The following DLG2 variants were observed in gnomAD, a reference collection of about 807,000 sequenced individuals.
DLG2 encodes discs large MAGUK scaffold protein 2, also known as disks large homolog 2.
Under a neutral mutation model 132.5 loss-of-function variants are expected in DLG2, and 45 were observed. The observed-to-expected ratio is 0.34, with a 90% CI of 0.27 to 0.44. The LOEUF (loss-of-function observed/expected upper bound fraction) is 0.44. Among genes scored for constraint, DLG2 ranks in the 20% least tolerant of loss-of-function variants. The pLI is 1.00. For synonymous variants in DLG2, 424 were observed against 419.6 expected, an observed-to-expected ratio of 1.01 and a Z score of -0.13; for missense variants, 1,045 against 1,196.9, an observed-to-expected ratio of 0.87 and a Z score of 1.87.
At chr11:84,864,832 T>C (rs1188561555) in intron 6 of DLG2, among the ~76,000 whole-genome samples, 1 of 152,004 alleles carries the variant, frequency 6.6e-6, no homozygotes, top group East Asian at 1.9e-4. Context: ...AGCCCATGAA[T>C]AGTGAGAAAA....
chr11:83,540,024 T>G (rs1483577409), intron 20 of DLG2, among the ~76,000 whole-genome samples: 1 of 152,180 alleles, frequency 6.6e-6, no homozygotes, highest in Non-Finnish European at 1.5e-5. Flanking sequence ...TCTTCCCAGA[T>G]AGTCCATGCC....
At chr11:83,517,882 G>T (rs1057168411) in intron 21 of DLG2, among the ~76,000 whole-genome samples, 1 of 152,196 alleles carries the variant, frequency 6.6e-6, no homozygotes, top group Non-Finnish European at 1.5e-5. Flanking sequence ...TCCTCTGGCA[G>T]TGTTGTCTCA....
intron 21 of DLG2, among the ~76,000 whole-genome samples, chr11:83,504,495 C>T (rs188085642): frequency 7.1e-4 from 108 of 152,312 alleles, no homozygotes; most frequent in Non-Finnish European, 1.3e-3. Context: ...CCCCAGCCAA[C>T]ACTGTAACTT....
chr11:85,199,787 G>A (rs189243644), intron 4 of DLG2, among the ~76,000 whole-genome samples: 11 of 152,140 alleles, frequency 7.2e-5, no homozygotes, highest in African/African-American at 2.2e-4. Context: ...CACACAGTGA[G>A]CCACAAATAG....
At chr11:83,912,575 T>C (rs1173777714) in intron 15 of DLG2, among the ~76,000 whole-genome samples, 1 of 152,126 alleles carries the variant, frequency 6.6e-6, no homozygotes, top group Non-Finnish European at 1.5e-5. Context: ...GTTTTAGTTT[T>C]TTAAATGAAG....
chr11:83,695,178 A>G (rs1012971182), intron 18 of DLG2, among the ~76,000 whole-genome samples: 2 of 152,188 alleles, frequency 1.3e-5, no homozygotes, highest in African/African-American at 4.8e-5. Flanking sequence ...GGGTTATGGA[A>G]GCTATATTTA....
intron 6 of DLG2, among the ~76,000 whole-genome samples, chr11:85,042,723 T>C (rs906418720): frequency 6.6e-6 from 1 of 151,934 alleles, no homozygotes; most frequent in Non-Finnish European, 1.5e-5. Flanking sequence ...AAATCTGTCA[T>C]GTATGATATA....
At chr11:84,505,255 A>T (rs1445062598) in intron 7 of DLG2, among the ~76,000 whole-genome samples, 1 of 152,182 alleles carries the variant, frequency 6.6e-6, no homozygotes, top group African/African-American at 2.4e-5. Context: ...AGTGAAATGT[A>T]AATTTTAGCT....
At chr11:83,739,183 G>T (rs1232265729) in intron 18 of DLG2, among the ~76,000 whole-genome samples, 1 of 151,880 alleles carries the variant, frequency 6.6e-6, no homozygotes, top group African/African-American at 2.4e-5. Flanking sequence ...ACCACTGATG[G>T]GTTAAGATAA....
At chr11:85,078,293 A>C (rs1240777089) in intron 6 of DLG2, among the ~76,000 whole-genome samples, 1 of 151,048 alleles carries the variant, frequency 6.6e-6, no homozygotes, top group Non-Finnish European at 1.5e-5. Flanking sequence ...GTAATATATA[A>C]GGTTATTGAG....
At chr11:85,457,220 T>C (rs979623564) in intron 3 of DLG2, among the ~76,000 whole-genome samples, 5 of 151,256 alleles carry the variant, frequency 3.3e-5, no homozygotes, top group African/African-American at 1.2e-4. Context: ...GGGCTTAAAG[T>C]CTCTTTTGTC....
At chr11:84,731,221 G>A (rs944012124) in intron 6 of DLG2, among the ~76,000 whole-genome samples, 24 of 151,978 alleles carry the variant, frequency 1.6e-4, no homozygotes, top group African/African-American at 5.8e-4. Context: ...CTTGGTTGAC[G>A]ACGTTAGCAC....
At chr11:83,662,241 G>A (rs1421684777) in intron 18 of DLG2, among the ~76,000 whole-genome samples, 1 of 152,094 alleles carries the variant, frequency 6.6e-6, no homozygotes, top group Non-Finnish European at 1.5e-5. Flanking sequence ...ACTCAAAGAT[G>A]GCCTGAATTA....
intron 4 of DLG2, among the ~76,000 whole-genome samples, chr11:85,247,803 A>G (rs895287453): frequency 2.0e-5 from 3 of 151,980 alleles, no homozygotes; most frequent in African/African-American, 4.8e-5. Flanking sequence ...CTAGCTCATC[A>G]TTTTCCTAAA....
At chr11:85,593,917 A>G (rs2079547415) in intron 3 of DLG2, among the ~76,000 whole-genome samples, 1 of 152,130 alleles carries the variant, frequency 6.6e-6, no homozygotes, top group South Asian at 2.1e-4. Flanking sequence ...ACTTGTCCAT[A>G]AGGGTATTGA....
chr11:85,305,062 G>A (rs1176517720), intron 3 of DLG2, among the ~76,000 whole-genome samples: 1 of 152,162 alleles, frequency 6.6e-6, no homozygotes, highest in African/African-American at 2.4e-5. Flanking sequence ...GAATGACCAT[G>A]TATTGTGCTA....
At chr11:84,913,352 G>T (rs1161302338) in intron 6 of DLG2, among the ~76,000 whole-genome samples, 1 of 152,084 alleles carries the variant, frequency 6.6e-6, no homozygotes, top group Non-Finnish European at 1.5e-5. Flanking sequence ...TTGAAATTCA[G>T]ACTCACCATA....
At chr11:84,464,505 C>G (rs988051292) in intron 7 of DLG2, among the ~76,000 whole-genome samples, 8 of 151,084 alleles carry the variant, frequency 5.3e-5, no homozygotes, top group Non-Finnish European at 8.9e-5. Context: ...CATTTAAGAC[C>G]TGGCTTAAAT....
chr11:84,848,501 T>G (rs911357233), intron 6 of DLG2, among the ~76,000 whole-genome samples: 1 of 151,544 alleles, frequency 6.6e-6, no homozygotes, highest in East Asian at 1.9e-4. Context: ...CTCAGAAAAA[T>G]AAAAAATAAA....
Sources: gnomAD v4.1 joint callset for allele counts (sites outside exome capture counted in the v4.1 genomes callset) on GRCh38, gnomAD v4.1.1 for gene constraint, MANE v1.5 for transcripts, NCBI Gene and HGNC (gene_info 2026-07-23, HGNC 2026-07-21) for gene names.